Variants in SEMA3B observed in about 807,000 individuals in gnomAD.
The protein encoded by SEMA3B is semaphorin 3B.
A neutral mutation model predicts 77.8 loss-of-function variants in SEMA3B; 71 were observed. That is an observed-to-expected ratio of 0.91 (90% CI 0.75 to 1.11). The LOEUF (loss-of-function observed/expected upper bound fraction) is 1.11. Ranked by LOEUF, SEMA3B falls within the 50% of genes most tolerant of loss-of-function variation. The pLI is 0.00. For synonymous variants in SEMA3B, 470 were observed against 452.9 expected, an observed-to-expected ratio of 1.04 and a Z score of -0.48; for missense variants, 968 against 1,056.8, an observed-to-expected ratio of 0.92 and a Z score of 1.17.
At position 50,273,368 on chromosome 3, in the gene SEMA3B, C is replaced by A; in HGVS notation, c.735C>A (p.Phe245Leu). 6.2e-7 allele frequency: 1 copy of A among 1,614,004 alleles called. No individual in the cohort carries two copies. The highest frequency in any genetic ancestry group is 8.5e-7 in the Non-Finnish European group (1 of 1,179,868). Reference protein sequence around the residue: ...ENPDDDKIYFFFRETAVEAAP... With the variant: ...ENPDDDKIYFLFRETAVEAAP... Reference sequence around the variant, plus strand: ...CAGACGACGACAAAATCTACTTCTTCTTTCGTGAGACGGCGGTAGAGGCGG... The same window carrying A: ...CAGACGACGACAAAATCTACTTCTTATTTCGTGAGACGGCGGTAGAGGCGG... The change falls in exon 7 of 17, where the codon TTC becomes TTA. Residue 245 changes from phenylalanine (F) to leucine (L), a missense_variant. Transcript: ENST00000616701. This position sits in a 1 kb window ranked among gnomAD's most constrained non-coding sequence, Gnocchi z 6.5.
rs962526269 is a variant in SEMA3B, at chr3:50,277,445, A to T, written c.*739A>T. ...CGGGCGCCTGTAATCCTAGCTACTC[A>T]GGAGGCTGAGGCAGGAGAATTGCTT... On this transcript the variant is annotated 3_prime_UTR_variant, in exon 17 of 17. Coordinates refer to ENST00000616701, the MANE Select transcript of SEMA3B (RefSeq NM_001290060.2). The T allele has an allele frequency of 6.7e-6, 1 of 149,132 alleles. No homozygotes were observed. The highest frequency in any genetic ancestry group is 6.8e-5 in the Admixed American group (1 of 14,676). 9.2% of individuals were successfully genotyped at this position (149,132 alleles called of 1,614,324 possible).
chr3:50,276,903 C>G lies in SEMA3B; in HGVS notation c.*197C>G, dbSNP rs911062911. On this transcript the variant is annotated 3_prime_UTR_variant, in exon 17 of 17. Coordinates refer to ENST00000616701, the MANE Select transcript of SEMA3B (RefSeq NM_001290060.2). The surrounding 1 kb of genome is among the most constrained non-coding windows in gnomAD (Gnocchi z 5.8). ...CAGGATAACCCTTGAATGTAGCAGC[C>G]CCGGGAGGGCGGCACAGGTCGGGCG... 7 of 609,932 alleles carry G rather than the reference C, an allele frequency of 1.1e-5. No individual in the cohort carries two copies. Among genetic ancestry groups the G allele is most frequent in the African/African-American group, 3.9e-5 (2 of 51,108 alleles). 37.8% of individuals were successfully genotyped at this position (609,932 alleles called of 1,614,324 possible).
intron 6 of SEMA3B, among the ~76,000 whole-genome samples, chr3:50,272,825 G>A (rs2109241765): frequency 7.7e-6 from 1 of 129,414 alleles, no homozygotes; most frequent in South Asian, 2.3e-4. Flanking sequence ...GCGACAGAGC[G>A]AGACTGTCTC....
intron 5 of SEMA3B, 77 bp from the exon 6 acceptor site, chr3:50,271,284 C>T (rs1276384753): frequency 8.4e-6 from 13 of 1,548,166 alleles, no homozygotes; most frequent in African/African-American, 2.7e-5. Context: ...CATAACCTCA[C>T]TCACTCCCAG....
chr3:50,263,742 G>A (rs1700860608), upstream of SEMA3B, among the ~76,000 whole-genome samples: 1 of 151,910 alleles, frequency 6.6e-6, no homozygotes, highest in South Asian at 2.1e-4. Flanking sequence ...TCTCAGGAGG[G>A]CAGGCTTGGC....
At position 50,270,847 on chromosome 3, in the gene SEMA3B, G is replaced by A. The variant is rs1553705210; in HGVS notation, c.331-43G>A. The A allele has an allele frequency of 6.4e-7, 1 of 1,559,954 alleles. No individual in the cohort carries two copies. Among genetic ancestry groups the A allele is most frequent in the South Asian group, 1.2e-5 (1 of 84,652 alleles). ...CCACTGGTGAGCTGGGACCTCTTAAGGCTACGTCCCTGGGGGAAGCCTCAC... is the reference window on the plus strand; with the variant it reads ...CCACTGGTGAGCTGGGACCTCTTAAAGCTACGTCCCTGGGGGAAGCCTCAC... On this transcript the variant is annotated intron_variant, in intron 3 of 16. Transcript: ENST00000616701. This position sits in a 1 kb window ranked among gnomAD's most constrained non-coding sequence, Gnocchi z 4.7.
chr3:50,274,004 A>G lies in SEMA3B; in HGVS notation c.1084A>G (p.Met362Val). 1.2e-6 allele frequency: 2 copies of G among 1,613,726 alleles called. No homozygotes were observed. The highest frequency in any genetic ancestry group is 3.3e-5 in the Admixed American group (2 of 59,930). The change falls in exon 10 of 17, where the codon ATG (methionine) becomes GTG (valine). Residue 362 changes from methionine to valine, a missense_variant. Transcript: ENST00000616701. The surrounding 1 kb of genome is among the most constrained non-coding windows in gnomAD (Gnocchi z 4.7). The stretch of plus-strand genomic sequence containing the variant: ...ACCCTTTGCACACAAGGAGGGGCCC[A>G]TGCACCAGTGGGTGTCATACCAGGG... ...LGPFAHKEGP[M>V]HQWVSYQGRV...
Position 50,276,121 on chromosome 3 carries a change from G to C in SEMA3B, c.1846-181G>C, listed in dbSNP as rs1446953495. 6.7e-6 allele frequency: 6 copies of C among 889,792 alleles called. No homozygotes were observed. In the African/African-American group the frequency reaches 8.9e-5, roughly 13 times the overall value. 55.1% of individuals were successfully genotyped at this position (889,792 alleles called of 1,614,324 possible). A position where few individuals can be genotyped will look rare whatever the true frequency, so the allele number is the denominator to read the frequency against. On this transcript the variant is annotated intron_variant, in intron 16 of 16. Transcript: ENST00000616701. The surrounding 1 kb of genome is among the most constrained non-coding windows in gnomAD (Gnocchi z 5.8). Reference sequence around the variant, plus strand: ...AGTTCATGTAAACCCCGCCTCTTTCGGATTCTCCCTTGAAGACCACCAGCT... The same window carrying C: ...AGTTCATGTAAACCCCGCCTCTTTCCGATTCTCCCTTGAAGACCACCAGCT...
In SEMA3B at chr3:50,274,950, C is replaced by T. The variant is rs782143215; in HGVS notation, c.1449+16C>T. 7.5e-6 allele frequency: 12 copies of T among 1,603,644 alleles called. No homozygotes were observed. The highest frequency in any genetic ancestry group is 3.4e-5 in the Admixed American group (2 of 59,040). On this transcript the variant is annotated intron_variant, in intron 12 of 16. Coordinates refer to ENST00000616701, the MANE Select transcript of SEMA3B (RefSeq NM_001290060.2). This position sits in a 1 kb window ranked among gnomAD's most constrained non-coding sequence, Gnocchi z 4.7. ...CGTGTTTGAGGTGAGGCCTCACCCC[C>T]AGTCGCCCGGGACCCCCCCACCCCA...
At position 50,273,774 on chromosome 3, in the gene SEMA3B, T is replaced by G; in HGVS notation, c.938T>G (p.Leu313Trp). ...TTCCCCGCAGAGGATGTGTTTCTGTTGTCCTCGCGGGACCACCGGACCCCG... is the reference window on the plus strand; with the variant it reads ...TTCCCCGCAGAGGATGTGTTTCTGTGGTCCTCGCGGGACCACCGGACCCCG... ...HFDQLQDVFLLSSRDHRTPLL... is the reference protein window; with the variant it reads ...HFDQLQDVFLWSSRDHRTPLL... The change falls in exon 9 of 17, where the codon TTG becomes TGG. Residue 313 changes from leucine (L) to tryptophan (W), a missense_variant. Physicochemically the swap from Leu to Trp is moderately conservative, Grantham distance 61. Coordinates refer to ENST00000616701, the MANE Select transcript of SEMA3B (RefSeq NM_001290060.2). This position sits in a 1 kb window ranked among gnomAD's most constrained non-coding sequence, Gnocchi z 6.5. 6.3e-7 allele frequency: 1 copy of G among 1,598,030 alleles called. No individual in the cohort carries two copies. Among genetic ancestry groups the G allele is most frequent in the Non-Finnish European group, 8.5e-7 (1 of 1,174,448 alleles).
chr3:50,270,227 T>G lies in SEMA3B; in HGVS notation c.210T>G (p.Gly70=). ...VDEERGRLFV[G]AENHVASLNL... ...AGGAGCGTGGACGCCTGTTTGTGGG[T>G]GCCGAGAACCATGTGGCCTCCCTCA... The change falls in exon 2 of 17, where the codon GGT becomes GGG. Residue 70 remains glycine (G), a synonymous_variant. Coordinates refer to ENST00000616701, the MANE Select transcript of SEMA3B (RefSeq NM_001290060.2). This position sits in a 1 kb window ranked among gnomAD's most constrained non-coding sequence, Gnocchi z 4.7. The G allele has an allele frequency of 6.2e-7, 1 of 1,611,992 alleles. No individual in the cohort carries two copies. The highest frequency in any genetic ancestry group is 8.5e-7 in the Non-Finnish European group (1 of 1,179,380).
At position 50,273,140 on chromosome 3, in the gene SEMA3B, G is replaced by T. The variant is rs1701103197; in HGVS notation, c.665-158G>T. On this transcript the variant is annotated intron_variant, in intron 6 of 16. Coordinates refer to ENST00000616701, the MANE Select transcript of SEMA3B (RefSeq NM_001290060.2). The surrounding 1 kb of genome is among the most constrained non-coding windows in gnomAD (Gnocchi z 6.5). ...GGCCCTGATCCTTTGGATTCGGTCC[G>T]CGCAGAGCGCCAACTGGACATGGTG... 3 of 1,185,818 alleles carry T rather than the reference G, an allele frequency of 2.5e-6. No individual in the cohort carries two copies. Among genetic ancestry groups the T allele is most frequent in the East Asian group, 5.3e-5 (2 of 38,050 alleles). 73.5% of individuals were successfully genotyped at this position (1,185,818 alleles called of 1,614,324 possible). A position where few individuals can be genotyped will look rare whatever the true frequency, so the allele number is the denominator to read the frequency against.
At position 50,274,685 on chromosome 3, in the gene SEMA3B, C is replaced by A; in HGVS notation, c.1357+103C>A. ...TCCCATCTCCACATCCTTTCCTGGG[C>A]TGTGTCTCCACCCTGTGGATGCTGC... On this transcript the variant is annotated intron_variant, in intron 11 of 16. Coordinates refer to ENST00000616701, the MANE Select transcript of SEMA3B (RefSeq NM_001290060.2). This position sits in a 1 kb window ranked among gnomAD's most constrained non-coding sequence, Gnocchi z 4.7. The A allele has an allele frequency of 7.1e-7, 1 of 1,416,892 alleles. No homozygotes were observed. Among genetic ancestry groups the A allele is most frequent in the Non-Finnish European group, 9.7e-7 (1 of 1,034,726 alleles). The allele number at this position is 1,416,892 out of a possible 1,614,324, so 87.8% of individuals were successfully genotyped here. A position where few individuals can be genotyped will look rare whatever the true frequency, so the allele number is the denominator to read the frequency against.
Position 50,273,268 on chromosome 3 carries a change from C to T in SEMA3B, c.665-30C>T. Reference sequence around the variant, plus strand: ...TCGCATCAGGAGGCAAGGCCAGGACCCGCTGACCCATGCCTCCTGCCGCGG... The same window carrying T: ...TCGCATCAGGAGGCAAGGCCAGGACTCGCTGACCCATGCCTCCTGCCGCGG... On this transcript the variant is annotated intron_variant, in intron 6 of 16. Transcript: ENST00000616701. This position sits in a 1 kb window ranked among gnomAD's most constrained non-coding sequence, Gnocchi z 6.5. 1 of 1,604,662 alleles carries T rather than the reference C, an allele frequency of 6.2e-7. No individual in the cohort carries two copies. The highest frequency in any genetic ancestry group is 8.5e-7 in the Non-Finnish European group (1 of 1,175,386).
At chr3:50,261,306 C>T in the SEMA3B span, 1 of 152,254 alleles carries the variant, frequency 6.6e-6, no homozygotes, top group South Asian at 2.1e-4. Flanking sequence ...GGCTCATGCT[C>T]CCAGCGTGGG....
rs1559786194 is a variant in SEMA3B, at chr3:50,271,094, G to GTCC, written c.461_463dup (p.Leu154dup). On this transcript the variant is annotated inframe_insertion, in exon 5 of 17. Coordinates refer to ENST00000616701, the MANE Select transcript of SEMA3B (RefSeq NM_001290060.2). ...AACTTGCCACACCTCCCAGGAGCCC[G>GTCC]TCCTCCGGCTGGACCCAGGAAGGAT... is the stretch of plus-strand genomic sequence containing the variant. 6.3e-7 allele frequency: 1 copy of GTCC among 1,579,996 alleles called. No homozygotes were observed. The highest frequency in any genetic ancestry group is 1.8e-5 in the Admixed American group (1 of 54,234).
In SEMA3B at chr3:50,275,450, G is replaced by C; in HGVS notation, c.1640G>C (p.Ser547Thr). The part of the protein sequence containing the change: ...DGVACTRFQP[S>T]AKRRFRRQDV... ...GTCGCGTGCACGCGCTTCCAGCCCA[G>C]TGCCAAGAGGTGGGCGGGGTCGGGG... The change falls in exon 14 of 17, where the codon AGT (serine) becomes ACT (threonine). Residue 547 changes from serine (S) to threonine (T), a missense_variant. Transcript: ENST00000616701. This position sits in a 1 kb window ranked among gnomAD's most constrained non-coding sequence, Gnocchi z 7.5. The C allele has an allele frequency of 6.2e-7, 1 of 1,607,510 alleles. No homozygotes were observed. Among genetic ancestry groups the C allele is most frequent in the Non-Finnish European group, 8.5e-7 (1 of 1,176,304 alleles).
Position 50,269,471 on chromosome 3 carries a change from G to C in SEMA3B, c.109+122G>C. ...GCGTGCCTGTCACCAGACTCTGGTA[G>C]GATTAGTGGGCACTCTCAGGCCACC... is the stretch of plus-strand genomic sequence containing the variant. On this transcript the variant is annotated intron_variant, in intron 1 of 16. Transcript: ENST00000616701. The surrounding 1 kb of genome is among the most constrained non-coding windows in gnomAD (Gnocchi z 4.0). 1 of 634,480 alleles carries C rather than the reference G, an allele frequency of 1.6e-6. No individual in the cohort carries two copies. The highest frequency in any genetic ancestry group is 2.7e-6 in the Non-Finnish European group (1 of 373,718). 39.3% of individuals were successfully genotyped at this position (634,480 alleles called of 1,614,324 possible).
chr3:50,275,579 G>C lies in SEMA3B; in HGVS notation c.1669G>C (p.Val557Leu). ...SAKRRFRRQD[V>L]RNGDPSTLCS... Reference sequence around the variant, plus strand: ...CCACAGGCGGTTCCGGCGGCAAGACGTAAGGAATGGCGACCCCAGCACGTT... The same window carrying C: ...CCACAGGCGGTTCCGGCGGCAAGACCTAAGGAATGGCGACCCCAGCACGTT... The change falls in exon 15 of 17, where the codon GTA becomes CTA. Residue 557 changes from valine (V) to leucine (L), a missense_variant. Physicochemically the swap from Val to Leu is conservative, Grantham distance 32. Coordinates refer to ENST00000616701, the MANE Select transcript of SEMA3B (RefSeq NM_001290060.2). The surrounding 1 kb of genome is among the most constrained non-coding windows in gnomAD (Gnocchi z 7.5). 6.2e-7 allele frequency: 1 copy of C among 1,613,716 alleles called. No individual in the cohort carries two copies. The highest frequency in any genetic ancestry group is 8.5e-7 in the Non-Finnish European group (1 of 1,179,892).
Sources: gnomAD v4.1 joint callset for allele counts (sites outside exome capture counted in the v4.1 genomes callset) on GRCh38, gnomAD v4.1.1 for gene constraint, Gnocchi (gnomAD v3.1) non-coding constraint, MANE v1.5 for transcripts, NCBI Gene and HGNC (gene_info 2026-07-23, HGNC 2026-07-21) for gene names.